LDLRAD3: variants seen among roughly 807,000 people sequenced by gnomAD.
The protein encoded by LDLRAD3 is low-density lipoprotein receptor class A domain-containing protein 3.
Under a neutral mutation model 29.4 loss-of-function variants are expected in LDLRAD3, and 20 were observed. The observed-to-expected ratio is 0.68, with a 90% CI of 0.48 to 0.99. LDLRAD3 has a LOEUF of 0.99. Ranked by LOEUF, LDLRAD3 falls within the 50% of genes least tolerant of loss-of-function variation. The pLI is 0.00. For synonymous variants in LDLRAD3, 157 were observed against 192.7 expected, an observed-to-expected ratio of 0.81 and a Z score of 1.53; for missense variants, 420 against 454.3, an observed-to-expected ratio of 0.92 and a Z score of 0.69.
intron 4 of LDLRAD3, among the ~76,000 whole-genome samples, chr11:36,108,485 G>C (rs1270886163): frequency 6.6e-6 from 1 of 152,154 alleles, no homozygotes; most frequent in East Asian, 1.9e-4. Context: ...CAGGTGTTCG[G>C]TTGGTCAGTA....
intron 2 of LDLRAD3, among the ~76,000 whole-genome samples, chr11:36,079,074 G>C (rs1853067802): frequency 6.6e-6 from 1 of 152,304 alleles, no homozygotes; most frequent in African/African-American, 2.4e-5. Context: ...CAGGGCACAG[G>C]GGACCTACTG....
chr11:36,122,274 A>G lies in LDLRAD3; in HGVS notation c.454+23813A>G, dbSNP rs115056132. On this transcript the variant is annotated intron_variant, in intron 4 of 5. Transcript: ENST00000315571. ...GGAAGCAAAAGGATGGGCATGAACA[A>G]TTTGTAGATGCCATCCAGAACAGAG... Among the ~76,000 whole-genome samples, 998 of 152,214 alleles carry G rather than the reference A, an allele frequency of 6.6e-3. 7 individuals are homozygous for G. The highest frequency in any genetic ancestry group is 0.023 in the African/African-American group (950 of 41,528).
intron 4 of LDLRAD3, among the ~76,000 whole-genome samples, chr11:36,112,555 C>T (rs1853620468): frequency 6.6e-6 from 1 of 152,234 alleles, no homozygotes; most frequent in Non-Finnish European, 1.5e-5. Flanking sequence ...CCTGCCATCT[C>T]AGTCATTGTT....
intron 1 of LDLRAD3, among the ~76,000 whole-genome samples, chr11:35,994,444 A>G (rs886085111): frequency 6.6e-6 from 1 of 152,086 alleles, no homozygotes; most frequent in Admixed American, 6.6e-5. Context: ...CTTAATTAAA[A>G]ATACTTTATT....
chr11:35,996,619 A>C (rs1386678782), intron 1 of LDLRAD3, among the ~76,000 whole-genome samples: 1 of 152,174 alleles, frequency 6.6e-6, no homozygotes, highest in Admixed American at 6.5e-5. Flanking sequence ...AAGCTCAATA[A>C]AGTGAAGCAC....
chr11:36,042,066 G>A (rs1298716614), intron 2 of LDLRAD3, among the ~76,000 whole-genome samples: 1 of 152,164 alleles, frequency 6.6e-6, no homozygotes, highest in East Asian at 1.9e-4. Flanking sequence ...AAATCCATGA[G>A]ATAGGGTTGA....
At chr11:36,056,052 G>A (rs898513813) in intron 2 of LDLRAD3, among the ~76,000 whole-genome samples, 2 of 140,160 alleles carry the variant, frequency 1.4e-5, no homozygotes, top group Admixed American at 1.5e-4. Context: ...CCGGAGTGCA[G>A]TGGCATGATC....
At chr11:36,080,774 A>G (rs1478454752) in intron 2 of LDLRAD3, among the ~76,000 whole-genome samples, 1 of 152,194 alleles carries the variant, frequency 6.6e-6, no homozygotes, top group African/African-American at 2.4e-5. Context: ...TCCAGAGGAA[A>G]CCAGGTTCAG....
intron 4 of LDLRAD3, among the ~76,000 whole-genome samples, chr11:36,209,615 C>T (rs1229803769): frequency 6.6e-6 from 1 of 152,084 alleles, no homozygotes; most frequent in Admixed American, 6.5e-5. Flanking sequence ...GCCTCGGCCT[C>T]CCAAAGTGCT....
intron 4 of LDLRAD3, among the ~76,000 whole-genome samples, chr11:36,152,607 G>T (rs16928448): frequency 0.018 from 2,690 of 152,222 alleles, 94 homozygotes; most frequent in African/African-American, 0.061. Flanking sequence ...TTCAGGGAGG[G>T]TTTCATCTAT....
At chr11:36,095,002 T>A (rs1853338098) in intron 3 of LDLRAD3, among the ~76,000 whole-genome samples, 1 of 151,760 alleles carries the variant, frequency 6.6e-6, no homozygotes, top group African/African-American at 2.4e-5. Context: ...CTGAGCTTCA[T>A]AGCAAGACCC....
At chr11:36,041,445 C>A (rs2133214809) in intron 2 of LDLRAD3, among the ~76,000 whole-genome samples, 1 of 152,320 alleles carries the variant, frequency 6.6e-6, no homozygotes, top group South Asian at 2.1e-4. Flanking sequence ...TGTTACCCTG[C>A]TGAAATGGAA....
At position 36,100,500 on chromosome 11, in the gene LDLRAD3, C is replaced by T. The variant is rs573190521; in HGVS notation, c.454+2039C>T. On this transcript the variant is annotated intron_variant, in intron 4 of 5. Transcript: ENST00000315571. ...TGTCACCCAGGCTGAAGTGCAGTGG[C>T]GTGATCTTGGCTCAGTGCAACCTCT... Among the ~76,000 whole-genome samples the T allele has an allele frequency of 5.3e-5, 8 of 152,260 alleles. No individual in the cohort carries two copies. The South Asian group carries it at 6.2e-4, about 12-fold the overall frequency.
At chr11:36,207,217 G>C (rs1394365680) in intron 4 of LDLRAD3, among the ~76,000 whole-genome samples, 3 of 152,092 alleles carry the variant, frequency 2.0e-5, no homozygotes, top group Non-Finnish European at 4.4e-5. Flanking sequence ...TCTGTTCCTG[G>C]GCACGTGGAC....
chr11:36,041,442 C>T (rs1171626847), intron 2 of LDLRAD3, among the ~76,000 whole-genome samples: 2 of 152,218 alleles, frequency 1.3e-5, no homozygotes, highest in African/African-American at 2.4e-5. Context: ...ATCTGTTACC[C>T]TGCTGAAATG....
chr11:36,026,786 T>A (rs1000496137), intron 1 of LDLRAD3, among the ~76,000 whole-genome samples: 3 of 152,172 alleles, frequency 2.0e-5, no homozygotes, highest in Non-Finnish European at 4.4e-5. Context: ...GAAGTTACCC[T>A]ATATGGTCTA....
chr11:36,225,487 G>A (rs1565316675), intron 4 of LDLRAD3, among the ~76,000 whole-genome samples: 1 of 152,122 alleles, frequency 6.6e-6, no homozygotes, highest in Non-Finnish European at 1.5e-5. Flanking sequence ...TATTATGATA[G>A]CAACCTGCAG....
rs1852879196 is a variant in LDLRAD3 at position 36,070,400 on chromosome 11, GGAA to G, written c.194-11247_194-11245del. Among the ~76,000 whole-genome samples the G allele has an allele frequency of 6.6e-5, 10 of 152,174 alleles. No homozygotes were observed. The South Asian group carries it at 2.1e-3, about 31-fold the overall frequency. On this transcript the variant is annotated intron_variant, in intron 2 of 5. Transcript: ENST00000315571. The stretch of plus-strand genomic sequence containing the variant: ...GAATTTGTATCTTGCACACAAATGG[GGAA>G]GAAGAGAGCAGTGTTGAAATGGGGA...
chr11:35,950,418 C>T (rs887950072), intron 1 of LDLRAD3, among the ~76,000 whole-genome samples: 1 of 152,204 alleles, frequency 6.6e-6, no homozygotes, highest in African/African-American at 2.4e-5. Flanking sequence ...TGTGACTTTT[C>T]TAGCTCTAGG....
Sources: gnomAD v4.1 joint callset for allele counts (sites outside exome capture counted in the v4.1 genomes callset) on GRCh38, gnomAD v4.1.1 for gene constraint, MANE v1.5 for transcripts, NCBI Gene and HGNC (gene_info 2026-07-23, HGNC 2026-07-21) for gene names.